The following PLXDC2 variants were observed in gnomAD, a reference collection of about 807,000 sequenced individuals.
The protein encoded by PLXDC2 is plexin domain-containing protein 2.
Under a neutral mutation model 68.9 loss-of-function variants are expected in PLXDC2, and 40 were observed. The ratio of observed to expected loss-of-function variants is 0.58; its 90% CI spans 0.45 to 0.76. The LOEUF is 0.76. Ranked by LOEUF, PLXDC2 falls within the 30% of genes least tolerant of loss-of-function variation. The pLI is 0.00. For synonymous variants in PLXDC2, 243 were observed against 234.2 expected (o/e 1.04, Z -0.34); for missense variants, 644 against 661.9 (o/e 0.97, Z 0.30).
chr10:20,238,662 A>AATAT (rs1554777528), intron 12 of PLXDC2, among the ~76,000 whole-genome samples: 78 of 31,740 alleles, frequency 2.5e-3, no homozygotes, highest in Non-Finnish European at 4.2e-3. Context: ...TCTCAAAAAA[A>AATAT]ATATATATAT....
chr10:19,933,555 C>T (rs543372060), intron 1 of PLXDC2, among the ~76,000 whole-genome samples: 79 of 152,112 alleles, frequency 5.2e-4, no homozygotes, highest in African/African-American at 1.7e-3. Context: ...ATTGCTTGAA[C>T]CCTGGAGGTA....
intron 10 of PLXDC2, among the ~76,000 whole-genome samples, chr10:20,214,546 A>G (rs1835111242): frequency 2.0e-5 from 3 of 152,074 alleles, no homozygotes; most frequent in Admixed American, 1.3e-4. Flanking sequence ...CTTAATGTAT[A>G]CAGCTCCTAC....
At chr10:19,902,912 C>T (rs1008227827) in intron 1 of PLXDC2, among the ~76,000 whole-genome samples, 8 of 152,084 alleles carry the variant, frequency 5.3e-5, no homozygotes, top group African/African-American at 1.9e-4. Context: ...TTGTCAAATG[C>T]TTTTTTCTAC....
chr10:20,087,649 C>T (rs1047127760), intron 4 of PLXDC2, among the ~76,000 whole-genome samples: 2 of 152,160 alleles, frequency 1.3e-5, no homozygotes, highest in African/African-American at 4.8e-5. Flanking sequence ...GTTGGATATA[C>T]TATCTCTGAT....
In PLXDC2 at chr10:20,041,077, C is replaced by T. The variant is rs1219713085; in HGVS notation, c.325-5792C>T. Among the ~76,000 whole-genome samples the T allele has an allele frequency of 5.3e-5, 8 of 152,046 alleles. No homozygotes were observed. In the East Asian group the frequency reaches 7.7e-4, roughly 15 times the overall value. ...TAATTTTCTTGGAGACAGTGCTCAC[C>T]ATCAGAAGATTTGCTATAGTTTCTC... On this transcript the variant is annotated intron_variant, in intron 2 of 13. Coordinates refer to ENST00000377252, the MANE Select transcript of PLXDC2 (RefSeq NM_032812.9).
At chr10:19,828,898 C>T (rs770940826) in intron 1 of PLXDC2, among the ~76,000 whole-genome samples, 16 of 152,136 alleles carry the variant, frequency 1.1e-4, no homozygotes, top group African/African-American at 1.9e-4. Context: ...ACCTTACCTC[C>T]AAAGTTGCCC....
intron 1 of PLXDC2, among the ~76,000 whole-genome samples, chr10:19,853,507 C>T (rs892506486): frequency 3.9e-5 from 6 of 152,114 alleles, no homozygotes; most frequent in East Asian, 1.9e-4. Flanking sequence ...CTGCCTGCCT[C>T]GCCCTCTCAA....
intron 1 of PLXDC2, among the ~76,000 whole-genome samples, chr10:19,842,745 A>C (rs765871931): frequency 6.6e-6 from 1 of 152,180 alleles, no homozygotes; most frequent in Non-Finnish European, 1.5e-5. Context: ...GTAGGTCTTA[A>C]CTTGTGGATA....
intron 1 of PLXDC2, among the ~76,000 whole-genome samples, chr10:19,910,168 T>A (rs1388043911): frequency 1.4e-5 from 2 of 145,208 alleles, no homozygotes; most frequent in Non-Finnish European, 3.0e-5. Flanking sequence ...TTGTACACTT[T>A]TATATATATA....
chr10:19,907,291 T>G (rs1203324953), intron 1 of PLXDC2, among the ~76,000 whole-genome samples: 2 of 152,218 alleles, frequency 1.3e-5, no homozygotes, highest in Non-Finnish European at 2.9e-5. Context: ...GCTTAAGGTT[T>G]AACCACTTGT....
chr10:19,957,299 A>G (rs952913890), intron 1 of PLXDC2, among the ~76,000 whole-genome samples: 4 of 152,156 alleles, frequency 2.6e-5, no homozygotes, highest in South Asian at 2.1e-4. Context: ...GACTCTATAA[A>G]TGATTTACTG....
chr10:19,877,314 AG>A (rs1564616635), intron 1 of PLXDC2, among the ~76,000 whole-genome samples: 1 of 152,152 alleles, frequency 6.6e-6, no homozygotes, highest in South Asian at 2.1e-4. Context: ...AAGTTTTTCT[AG>A]GTCAACATTA....
intron 1 of PLXDC2, among the ~76,000 whole-genome samples, chr10:19,873,605 C>T (rs1174718930): frequency 6.6e-6 from 1 of 151,912 alleles, no homozygotes; most frequent in Non-Finnish European, 1.5e-5. Context: ...TTTCTTTAAT[C>T]CAGTGTTTGT....
intron 10 of PLXDC2, among the ~76,000 whole-genome samples, chr10:20,216,618 C>T (rs1835141548): frequency 6.6e-6 from 1 of 152,072 alleles, no homozygotes; most frequent in South Asian, 2.1e-4. Context: ...GAGAACCACT[C>T]ATGTCCAGAA....
At chr10:20,008,998 A>G (rs934008994) in intron 2 of PLXDC2, among the ~76,000 whole-genome samples, 1 of 152,138 alleles carries the variant, frequency 6.6e-6, no homozygotes, top group Non-Finnish European at 1.5e-5. Flanking sequence ...CTTTATTCGC[A>G]GCTTGAAAAC....
At chr10:19,902,779 A>G (rs369105332) in intron 1 of PLXDC2, among the ~76,000 whole-genome samples, 1 of 152,172 alleles carries the variant, frequency 6.6e-6, no homozygotes, top group East Asian at 1.9e-4. Flanking sequence ...GAATGCTTTC[A>G]ACTTTTCCCT....
chr10:19,837,105 G>GTTTTTTTTT (rs139161456), intron 1 of PLXDC2, among the ~76,000 whole-genome samples: 2 of 148,922 alleles, frequency 1.3e-5, no homozygotes, highest in Non-Finnish European at 1.5e-5. Context: ...TGAATTGAAG[G>GTTTTTTTTT]TTTTTTTTTT....
intron 10 of PLXDC2, among the ~76,000 whole-genome samples, chr10:20,216,310 A>G (rs1174037621): frequency 1.3e-5 from 2 of 152,150 alleles, no homozygotes; most frequent in East Asian, 3.9e-4. Flanking sequence ...CAGATCTAAA[A>G]CATTTTCCAC....
intron 9 of PLXDC2, among the ~76,000 whole-genome samples, chr10:20,192,925 A>T (rs1189567203): frequency 2.0e-5 from 3 of 152,112 alleles, no homozygotes; most frequent in Non-Finnish European, 4.4e-5. Flanking sequence ...TCTGTGAATG[A>T]TGAGAATCAG....
Sources: allele counts gnomAD v4.1 joint callset (sites outside exome capture counted in the v4.1 genomes callset), GRCh38; gene constraint gnomAD v4.1.1; transcripts MANE v1.5; gene names NCBI Gene and HGNC (gene_info 2026-07-23, HGNC 2026-07-21).